The following GPHN variants were observed in gnomAD, a reference collection of about 807,000 sequenced individuals.
GPHN encodes gephyrin.
Under a neutral mutation model 95.5 loss-of-function variants are expected in GPHN, and 17 were observed. That is an observed-to-expected ratio of 0.18 (90% CI 0.12 to 0.27). GPHN has a LOEUF of 0.27. Ranked by LOEUF, GPHN falls within the 10% of genes least tolerant of loss-of-function variation. The pLI, the probability that GPHN is intolerant of heterozygous loss-of-function variation, is 1.00. For missense variants in GPHN, 660 were observed against 978.1 expected, an observed-to-expected ratio of 0.67 and a Z score of 4.34; for synonymous variants, 320 against 322.5, an observed-to-expected ratio of 0.99 and a Z score of 0.08.
intron 4 of GPHN, among the ~76,000 whole-genome samples, chr14:66,846,728 A>G (rs2062355236): frequency 6.6e-6 from 1 of 152,154 alleles, no homozygotes; most frequent in African/African-American, 2.4e-5. Flanking sequence ...ATTGGTAGCT[A>G]TTAATAAATA....
intron 2 of GPHN, among the ~76,000 whole-genome samples, chr14:66,753,837 TC>T (rs2058461581): frequency 6.6e-6 from 1 of 152,024 alleles, no homozygotes; most frequent in African/African-American, 2.4e-5. Flanking sequence ...CCAAAAGAAA[TC>T]TCTGTGCCCA....
the GPHN span, among the ~76,000 whole-genome samples, chr14:67,399,961 G>T: frequency 6.6e-6 from 1 of 152,200 alleles, no homozygotes; most frequent in East Asian, 1.9e-4. Flanking sequence ...ACCAACAGAG[G>T]TGCTTTACCT....
intron 14 of GPHN, 53 bp from the exon 15 acceptor site, chr14:67,111,808 A>G (rs2078393567): frequency 7.2e-7 from 1 of 1,382,908 alleles, no homozygotes; most frequent in Non-Finnish European, 1.0e-6. Flanking sequence ...GAGTAACTAA[A>G]TTCTACTGCT....
At chr14:67,055,358 C>A (rs2075508864) in intron 10 of GPHN, among the ~76,000 whole-genome samples, 1 of 152,144 alleles carries the variant, frequency 6.6e-6, no homozygotes, top group Admixed American at 6.5e-5. Context: ...ATCAAAAACA[C>A]AATGAGATAC....
chr14:67,551,716 C>G, the GPHN span, among the ~76,000 whole-genome samples: 1 of 152,062 alleles, frequency 6.6e-6, no homozygotes, highest in East Asian at 1.9e-4. Context: ...TGGAGAAACC[C>G]CATCTCTACT....
chr14:67,113,106 G>A lies in GPHN; in HGVS notation c.1561G>A (p.Val521Ile). The change falls in exon 16 of 23, where the codon GTA becomes ATA. Residue 521 changes from valine (V) to isoleucine (I), a missense_variant. By Grantham distance (29) the Val-to-Ile change is conservative (BLOSUM62 3). Transcript: ENST00000478722. ...GPSEIGLLAT[V>I]GVTEVEVNKF... ...CTCAGAGATTGGTCTTCTGGCAACT[G>A]TAGGTGTCACAGAGGTTGAAGTTAA... The A allele has an allele frequency of 6.2e-7, 1 of 1,613,728 alleles. No homozygotes were observed. Among genetic ancestry groups the A allele is most frequent in the Non-Finnish European group, 8.5e-7 (1 of 1,179,618 alleles).
the GPHN span, among the ~76,000 whole-genome samples, chr14:67,508,753 CAAAA>C: frequency 6.4e-5 from 3 of 46,710 alleles, no homozygotes; most frequent in African/African-American, 1.3e-4. Flanking sequence ...AACCTTGTCT[CAAAA>C]AAAAAAAAAA....
the GPHN span, among the ~76,000 whole-genome samples, chr14:67,498,455 C>G: frequency 2.0e-5 from 3 of 152,176 alleles, no homozygotes; most frequent in Non-Finnish European, 4.4e-5. Flanking sequence ...CCCTTTATTT[C>G]TTTCTCCTTT....
At chr14:67,478,901 A>C in the GPHN span, among the ~76,000 whole-genome samples, 1 of 131,672 alleles carries the variant, frequency 7.6e-6, no homozygotes. Flanking sequence ...TGTTTAAGAT[A>C]GTGGTAAGAG....
chr14:67,670,979 C>A, the GPHN span, among the ~76,000 whole-genome samples: 14 of 152,106 alleles, frequency 9.2e-5, no homozygotes, highest in Admixed American at 2.0e-4. Context: ...TTATGCTGTG[C>A]CTAATAATTC....
intron 8 of GPHN, among the ~76,000 whole-genome samples, chr14:66,960,484 A>G (rs1312175368): frequency 2.0e-5 from 3 of 151,906 alleles, no homozygotes; most frequent in Non-Finnish European, 2.9e-5. Flanking sequence ...ACTTTTTTCA[A>G]GCTTGTATTT....
chr14:67,238,532 A>C, the GPHN span, among the ~76,000 whole-genome samples: 1 of 152,178 alleles, frequency 6.6e-6, no homozygotes, highest in Admixed American at 6.5e-5. Flanking sequence ...GGCATCCCAA[A>C]GTGTTGGGAT....
chr14:67,220,816 T>A, the GPHN span, among the ~76,000 whole-genome samples: 1 of 152,246 alleles, frequency 6.6e-6, no homozygotes, highest in Non-Finnish European at 1.5e-5. Context: ...ATTTGCAAAC[T>A]GTATAGAAAA....
chr14:67,679,442 C>T, the GPHN span, among the ~76,000 whole-genome samples: 14 of 145,006 alleles, frequency 9.7e-5, no homozygotes, highest in East Asian at 1.8e-3. Context: ...CTCACTCTGT[C>T]GCCCAGGCTG....
chr14:66,953,634 G>A (rs190468943), intron 8 of GPHN, among the ~76,000 whole-genome samples: 67 of 152,286 alleles, frequency 4.4e-4, no homozygotes, highest in African/African-American at 1.5e-3. Context: ...TAAGTATAAA[G>A]TTAGGAGTGC....
At chr14:67,692,448 G>C in the GPHN span, 1 of 1,614,050 alleles carries the variant, frequency 6.2e-7, no homozygotes, top group Non-Finnish European at 8.5e-7. Context: ...CAGCTAAGAA[G>C]CCCTTAGCAA....
chr14:67,019,701 T>C (rs1445834357), intron 9 of GPHN, among the ~76,000 whole-genome samples: 2 of 152,178 alleles, frequency 1.3e-5, no homozygotes, highest in African/African-American at 4.8e-5. Context: ...GTACCCCCAC[T>C]AACTGGTGTT....
chr14:67,024,225 A>G (rs1410618071), intron 10 of GPHN, among the ~76,000 whole-genome samples: 1 of 152,198 alleles, frequency 6.6e-6, no homozygotes, highest in East Asian at 1.9e-4. Flanking sequence ...AACTCTGTAT[A>G]TCATTCATTT....
chr14:67,412,124 C>A, the GPHN span: 16 of 1,329,398 alleles, frequency 1.2e-5, no homozygotes, highest in South Asian at 2.3e-4. Context: ...TCCTCGGCAC[C>A]CGCGCAGCCC....
Sources: allele counts gnomAD v4.1 joint callset (sites outside exome capture counted in the v4.1 genomes callset), GRCh38; gene constraint gnomAD v4.1.1; transcripts MANE v1.5; gene names NCBI Gene and HGNC (gene_info 2026-07-23, HGNC 2026-07-21).